The following ZNF28 variants were observed in gnomAD, a reference collection of about 807,000 sequenced individuals.
The protein encoded by ZNF28 is zinc finger protein KOX24.
Under a neutral mutation model 7.2 loss-of-function variants are expected in ZNF28, and 5 were observed. That is an observed-to-expected ratio of 0.70 (90% confidence interval 0.36 to 1.46). The LOEUF is 1.46. Among genes scored for constraint, ZNF28 ranks in the 40% most tolerant of loss-of-function variants. The pLI is 0.03. For missense variants in ZNF28, 879 were observed against 866.6 expected (o/e 1.01, Z -0.18); for synonymous variants, 288 against 292.4 (o/e 0.99, Z 0.15).
intron 2 of ZNF28, among the ~76,000 whole-genome samples, chr19:52,808,476 C>A (rs1156335137): frequency 6.6e-6 from 1 of 151,836 alleles, no homozygotes; most frequent in African/African-American, 2.4e-5. Context: ...TGACAATGTC[C>A]ACAGTAAGAG....
chr19:52,804,742 C>T lies in ZNF28; in HGVS notation c.143-3040G>A, dbSNP rs80018837. ...CTGGTCTCAAACTCCTGACCTCAAG[C>T]GATCTACCCACCTTGGTCTCTGAAA... On this transcript the variant is annotated intron_variant, in intron 3 of 3. Transcript: ENST00000457749. Among the ~76,000 whole-genome samples, 65 of 151,906 alleles carry T rather than the reference C, an allele frequency of 4.3e-4. 1 individual carries two copies. In the East Asian group the frequency reaches 8.0e-3, roughly 19 times the overall value.
intron 2 of ZNF28, chr19:52,810,716 G>A (rs2063010062): frequency 3.9e-6 from 3 of 762,490 alleles, no homozygotes; most frequent in Non-Finnish European, 4.8e-6. Flanking sequence ...TAAAAAAAAT[G>A]TGTATTAGGA....
intron 1 of ZNF28, among the ~76,000 whole-genome samples, chr19:52,818,342 T>C (rs1392510780): frequency 6.6e-6 from 1 of 152,140 alleles, no homozygotes; most frequent in African/African-American, 2.4e-5. Context: ...CTTAGGAAGC[T>C]GAGGTGGAAG....
chr19:52,812,026 C>T (rs1374592689), intron 2 of ZNF28, among the ~76,000 whole-genome samples: 1 of 48,078 alleles, frequency 2.1e-5, no homozygotes. Context: ...GGGGGGACAG[C>T]CCCCCGCCCG....
intron 2 of ZNF28, among the ~76,000 whole-genome samples, chr19:52,815,165 A>C (rs73067567): frequency 0.062 from 9,024 of 144,402 alleles, 1,276 homozygotes; most frequent in African/African-American, 0.13. Context: ...CCGAAGAGGA[A>C]TCTTGCCTTG....
At chr19:52,809,195 A>G (rs1470524023) in intron 2 of ZNF28, among the ~76,000 whole-genome samples, 2 of 152,206 alleles carry the variant, frequency 1.3e-5, no homozygotes, top group South Asian at 2.1e-4. Flanking sequence ...CCATCCTAGA[A>G]GAAGCAATCA....
chr19:52,808,225 TG>T, intron 2 of ZNF28, 92 bp from the exon 3 acceptor site: 2 of 1,556,854 alleles, frequency 1.3e-6, no homozygotes, highest in Non-Finnish European at 1.7e-6. Context: ...TGGATTTAGT[TG>T]TAGTGAATGT....
chr19:52,800,043 T>A lies in ZNF28; in HGVS notation c.1802A>T (p.His601Leu). 6.2e-7 allele frequency: 1 copy of A among 1,614,208 alleles called. No homozygotes were observed. The highest frequency in any genetic ancestry group is 2.2e-5 in the East Asian group (1 of 44,884). ...ACACTTGTAAGGTTTCTCTCCAGTA[T>A]GAACTCTCTGATGTTGTGCCAGGTG... ...DSHLAQHQRV[H>L]TGEKPYKCNE... The change falls in exon 4 of 4, where the codon CAT becomes CTT. Residue 601 changes from histidine to leucine, a missense_variant. Around this residue, in one of 2 missense-constraint regions of ZNF28, gnomAD observed 864 missense variants for 830.2 expected, o/e 1.04. Transcript: ENST00000457749.
chr19:52,810,057 C>T, intron 2 of ZNF28: 1 of 743,040 alleles, frequency 1.3e-6, no homozygotes. Context: ...CGCCCCATGC[C>T]TGGGAGCTCC....
chr19:52,807,498 G>A (rs973787395), intron 3 of ZNF28, among the ~76,000 whole-genome samples: 1 of 152,200 alleles, frequency 6.6e-6, no homozygotes, highest in African/African-American at 2.4e-5. Flanking sequence ...TTTTGAGACA[G>A]AGTCTTGCTC....
At position 52,800,112 on chromosome 19, in the gene ZNF28, G is replaced by A. The variant is rs139244544; in HGVS notation, c.1733C>T (p.Pro578Leu). The change falls in exon 4 of 4, where the codon CCG becomes CTG. Residue 578 changes from proline (P) to leucine (L), a missense_variant. Pro to Leu is a moderately conservative substitution (Grantham distance 98). Coordinates refer to ENST00000457749, the MANE Select transcript of ZNF28 (RefSeq NM_006969.5). The part of the protein sequence containing the change: ...RHRRIHTGEK[P>L]YKCKVCDKAF... Reference sequence around the variant, plus strand: ...CTTGTCACAAACCTTACATTTGTACGGTTTCTCTCCAGTATGAATCCTCCT... The same window carrying A: ...CTTGTCACAAACCTTACATTTGTACAGTTTCTCTCCAGTATGAATCCTCCT... 3.2e-5 allele frequency: 52 copies of A among 1,613,954 alleles called. No individual in the cohort carries two copies. Among genetic ancestry groups the A allele is most frequent in the Admixed American group, 3.2e-4 (19 of 59,990 alleles).
intron 2 of ZNF28, among the ~76,000 whole-genome samples, chr19:52,817,348 G>T (rs2063140016): frequency 6.6e-6 from 1 of 152,082 alleles, no homozygotes; most frequent in African/African-American, 2.4e-5. Context: ...CTCCAGCCTG[G>T]ATAACAAGAG....
At chr19:52,820,159 G>C (rs1313084868) in intron 1 of ZNF28, among the ~76,000 whole-genome samples, 1 of 99,602 alleles carries the variant, frequency 1.0e-5, no homozygotes, top group Non-Finnish European at 2.0e-5. Context: ...CGTCCAGGCC[G>C]GACTGCGGAC....
intron 2 of ZNF28, among the ~76,000 whole-genome samples, chr19:52,815,203 G>A (rs1172393851): frequency 6.9e-6 from 1 of 144,992 alleles, no homozygotes; most frequent in Non-Finnish European, 1.5e-5. Context: ...GCAGTGGGAG[G>A]AAGGAGAGGA....
chr19:52,816,996 C>T (rs1317902066), intron 2 of ZNF28, among the ~76,000 whole-genome samples: 2 of 152,008 alleles, frequency 1.3e-5, no homozygotes, highest in Non-Finnish European at 2.9e-5. Context: ...ACAGTAACAC[C>T]ATAGTCTCCG....
At chr19:52,819,495 C>G (rs62120976) in intron 1 of ZNF28, among the ~76,000 whole-genome samples, 9,808 of 52,360 alleles carry the variant, frequency 0.19, 2,424 homozygotes, top group Middle Eastern at 0.24. Flanking sequence ...CCCAGACACC[C>G]ACTCTATTTT....
Position 52,818,007 on chromosome 19 carries a change from T to C in ZNF28, c.-49A>G. 4 of 1,609,382 alleles carry C rather than the reference T, an allele frequency of 2.5e-6. No homozygotes were observed. Among genetic ancestry groups the C allele is most frequent in the Non-Finnish European group, 3.4e-6 (4 of 1,178,992 alleles). On this transcript the variant is annotated 5_prime_UTR_variant, in exon 2 of 4. Transcript: ENST00000457749. The stretch of plus-strand genomic sequence containing the variant: ...TCCTCTTCTGGGTTTCTTCCTCACG[T>C]ACCAAGATTCTTTAGAAGTCAATCC...
intron 2 of ZNF28, chr19:52,809,810 T>C (rs1429528198): frequency 1.3e-5 from 5 of 390,528 alleles, no homozygotes; most frequent in Non-Finnish European, 2.0e-5. Context: ...AGGAGCCCAG[T>C]CTGAGCGGCG....
chr19:52,803,391 C>T (rs1278890326), intron 3 of ZNF28, among the ~76,000 whole-genome samples: 1 of 152,136 alleles, frequency 6.6e-6, no homozygotes, highest in African/African-American at 2.4e-5. Context: ...CACTTTGTGA[C>T]ATTATCTAGG....
Sources: allele counts gnomAD v4.1 joint callset (sites outside exome capture counted in the v4.1 genomes callset), GRCh38; gene constraint gnomAD v4.1.1; regional missense constraint gnomAD v4.1.1; transcripts MANE v1.5; gene names NCBI Gene and HGNC (gene_info 2026-07-23, HGNC 2026-07-21).